MSANTD3: variants seen among roughly 807,000 people sequenced by gnomAD.
The protein encoded by MSANTD3 is Myb/SANT DNA binding domain containing 3.
In MSANTD3, 11 loss-of-function variants were observed where a neutral mutation model predicts 27.7. The ratio of observed to expected loss-of-function variants is 0.40; its 90% CI spans 0.25 to 0.66. The LOEUF is 0.66. Ranked by LOEUF, MSANTD3 falls within the 30% of genes least tolerant of loss-of-function variation. The pLI, the probability that MSANTD3 is intolerant of heterozygous loss-of-function variation, is 0.41. For missense variants in MSANTD3, 250 were observed against 336.5 expected, an observed-to-expected ratio of 0.74 and a Z score of 2.01; for synonymous variants, 131 against 127.2, an observed-to-expected ratio of 1.03 and a Z score of -0.20.
rs774375807 is a variant in MSANTD3, at chr9:100,450,771, A to G, written c.633A>G (p.Gln211=). Residue 211 remains glutamine, a synonymous_variant, in exon 3 of 3, where the codon CAA becomes CAG. Coordinates refer to ENST00000395067, the MANE Select transcript of MSANTD3 (RefSeq NM_080655.3). Reference sequence around the variant, plus strand: ...AACAAATGTCCATCTTACAACTGCAACTGATACAAATGAATGAGGTGCATG... The same window carrying G: ...AACAAATGTCCATCTTACAACTGCAGCTGATACAAATGAATGAGGTGCATG... ...HHQQMSILQL[Q]LIQMNEVHVA... 11 of 1,614,018 alleles carry G rather than the reference A, an allele frequency of 6.8e-6. No individual in the cohort carries two copies. The highest frequency in any genetic ancestry group is 1.6e-4 in the Middle Eastern group (1 of 6,084).
Position 100,451,253 on chromosome 9 carries a change from G to C in MSANTD3, c.*287G>C. 3.6e-6 allele frequency: 1 copy of C among 277,388 alleles called. No homozygotes were observed. Among genetic ancestry groups the C allele is most frequent in the Non-Finnish European group, 6.6e-6 (1 of 150,974 alleles). 17.2% of individuals were successfully genotyped at this position (277,388 alleles called of 1,614,324 possible). On this transcript the variant is annotated 3_prime_UTR_variant, in exon 3 of 3. Coordinates refer to ENST00000395067, the MANE Select transcript of MSANTD3 (RefSeq NM_080655.3). ...AGAACCACGTGTGAGTGTTGTTGTT[G>C]TTGTTTTTTTTTTTAATCAAATGCA...
At chr9:100,434,613 A>G (rs1836437292) in intron 1 of MSANTD3, among the ~76,000 whole-genome samples, 2 of 152,160 alleles carry the variant, frequency 1.3e-5, no homozygotes, top group African/African-American at 4.8e-5. Flanking sequence ...GCCTTCTCTT[A>G]TCAATTATTT....
At chr9:100,448,624 G>T in intron 2 of MSANTD3, 1 of 985,358 alleles carries the variant, frequency 1.0e-6, no homozygotes, top group African/African-American at 1.7e-5. Flanking sequence ...CCCTGTGCTG[G>T]GTTCTCCATG....
At position 100,442,010 on chromosome 9, in the gene MSANTD3, A is replaced by G; in HGVS notation, c.72A>G (p.Leu24=). 3.1e-6 allele frequency: 5 copies of G among 1,614,220 alleles called. No homozygotes were observed. In the East Asian group the frequency reaches 1.1e-4, roughly 36 times the overall value. Residue 24 remains leucine, a synonymous_variant, in exon 2 of 3, where the codon TTA becomes TTG. Coordinates refer to ENST00000395067, the MANE Select transcript of MSANTD3 (RefSeq NM_080655.3). ...SELEKSILLA[L]VEKYKYVLEC... ...TGGAAAAGAGCATCCTGCTGGCTTT[A>G]GTAGAAAAGTATAAATATGTGCTGG...
intron 1 of MSANTD3, among the ~76,000 whole-genome samples, chr9:100,435,700 T>C (rs923535336): frequency 4.6e-5 from 7 of 152,174 alleles, no homozygotes; most frequent in African/African-American, 1.7e-4. Context: ...GACCTCCTCT[T>C]TGTAAGCCAT....
At chr9:100,432,558 G>T (rs1165242294) in intron 1 of MSANTD3, among the ~76,000 whole-genome samples, 2 of 152,150 alleles carry the variant, frequency 1.3e-5, no homozygotes, top group Non-Finnish European at 2.9e-5. Flanking sequence ...AATGCAAATG[G>T]CAAGCAGGTT....
At chr9:100,439,005 CAT>C (rs759508213) in intron 1 of MSANTD3, among the ~76,000 whole-genome samples, 3 of 152,186 alleles carry the variant, frequency 2.0e-5, no homozygotes, top group Non-Finnish European at 2.9e-5. Context: ...CCACCTTTGA[CAT>C]GTGTCCGAAC....
At chr9:100,432,043 G>A (rs1836388214) in intron 1 of MSANTD3, among the ~76,000 whole-genome samples, 1 of 152,132 alleles carries the variant, frequency 6.6e-6, no homozygotes, top group Admixed American at 6.6e-5. Context: ...ACTCTCATCT[G>A]GTTTATAGAG....
chr9:100,449,320 T>A, intron 2 of MSANTD3: 1 of 900,182 alleles, frequency 1.1e-6, no homozygotes, highest in Non-Finnish European at 1.3e-6. Flanking sequence ...TATTCAAGGG[T>A]TCAGCCAATA....
Position 100,442,028 on chromosome 9 carries a change from T to A in MSANTD3, c.90T>A (p.Tyr30Ter), listed in dbSNP as rs773752198. ...ILLALVEKYKYVLECKKSDAR... is the reference protein window; with the variant it reads ...ILLALVEKYK ...TGGCTTTAGTAGAAAAGTATAAATA[T>A]GTGCTGGAATGTAAGAAAAGTGATG... Residue 30 changes from tyrosine (Y) to a stop codon, truncating the protein, a stop_gained, in exon 2 of 3, where the codon TAT (tyrosine) becomes TAA (stop). Coordinates refer to ENST00000395067, the MANE Select transcript of MSANTD3 (RefSeq NM_080655.3). LOFTEE classifies it high-confidence loss of function. The A allele has an allele frequency of 6.2e-7, 1 of 1,614,094 alleles. No individual in the cohort carries two copies.
intron 1 of MSANTD3, among the ~76,000 whole-genome samples, 165 bp from the exon 2 acceptor site, chr9:100,441,741 A>G (rs1337376908): frequency 6.6e-6 from 1 of 152,210 alleles, no homozygotes; most frequent in Non-Finnish European, 1.5e-5. Flanking sequence ...TTCCTAGTAC[A>G]TTTCTAAATA....
In MSANTD3 at chr9:100,442,995, T is replaced by A. The variant is rs1368900776; in HGVS notation, c.418+639T>A. On this transcript the variant is annotated intron_variant, in intron 2 of 2. Coordinates refer to ENST00000395067, the MANE Select transcript of MSANTD3 (RefSeq NM_080655.3). Reference sequence around the variant, plus strand: ...CCTGTCTCAAATATGTTAAAGAGAATTGTATGAAGATTTGTATTCATCCAC... The same window carrying A: ...CCTGTCTCAAATATGTTAAAGAGAAATGTATGAAGATTTGTATTCATCCAC... 2.6e-5 allele frequency among the ~76,000 whole-genome samples: 4 copies of A among 152,174 alleles called. No individual in the cohort carries two copies. The South Asian group carries it at 8.3e-4, about 32-fold the overall frequency.
intron 1 of MSANTD3, among the ~76,000 whole-genome samples, chr9:100,431,336 T>C (rs1179740376): frequency 6.7e-6 from 1 of 150,216 alleles, no homozygotes; most frequent in African/African-American, 2.5e-5. Flanking sequence ...GACAGCGTTT[T>C]ACTCTTTCAC....
intron 2 of MSANTD3, among the ~76,000 whole-genome samples, chr9:100,448,036 C>T (rs1836797217): frequency 6.6e-6 from 1 of 151,702 alleles, no homozygotes; most frequent in South Asian, 2.1e-4. Context: ...ACCAAAAATA[C>T]AAAAAATTAA....
chr9:100,439,297 G>A (rs1836547579), intron 1 of MSANTD3, among the ~76,000 whole-genome samples: 1 of 152,112 alleles, frequency 6.6e-6, no homozygotes, highest in Admixed American at 6.5e-5. Flanking sequence ...CAGGCATAGT[G>A]CGTGAGTAGC....
Position 100,450,708 on chromosome 9 carries a change from A to G in MSANTD3, c.570A>G (p.Glu190=). The G allele has an allele frequency of 6.2e-7, 1 of 1,614,202 alleles. No homozygotes were observed. Among genetic ancestry groups the G allele is most frequent in the Middle Eastern group, 1.6e-4 (1 of 6,062 alleles). Residue 190 remains glutamate, a synonymous_variant, in exon 3 of 3, where the codon GAA becomes GAG. Transcript: ENST00000395067. ...ACTACAGGAGCAAAACCTCTCAGGA[A>G]GGTGCTTTAAAAAAGATGCATGAGG... is the stretch of plus-strand genomic sequence containing the variant. The part of the protein sequence containing the change: ...NKNYRSKTSQ[E]GALKKMHEEE...
At chr9:100,433,300 C>G (rs968058510) in intron 1 of MSANTD3, among the ~76,000 whole-genome samples, 1 of 152,206 alleles carries the variant, frequency 6.6e-6, no homozygotes, top group Non-Finnish European at 1.5e-5. Context: ...AAGCTCCACT[C>G]TCAGAAGCAG....
In MSANTD3 at chr9:100,442,061, T is replaced by C. The variant is rs1323982481; in HGVS notation, c.123T>C (p.Thr41=). The change falls in exon 2 of 3, where the codon ACT becomes ACC. Residue 41 remains threonine (T), a synonymous_variant. Transcript: ENST00000395067. ...VLECKKSDAR[T]IALKQRTWQA... is the part of the protein sequence containing the mutation. ...AATGTAAGAAAAGTGATGCGCGAAC[T>C]ATTGCCCTTAAGCAGCGTACCTGGC... 1.9e-6 allele frequency: 3 copies of C among 1,614,108 alleles called. No individual in the cohort carries two copies. Among genetic ancestry groups the C allele is most frequent in the African/African-American group, 2.7e-5 (2 of 74,942 alleles).
At chr9:100,442,723 A>G (rs1428965324) in intron 2 of MSANTD3, among the ~76,000 whole-genome samples, 3 of 150,732 alleles carry the variant, frequency 2.0e-5, no homozygotes, top group African/African-American at 7.3e-5. Context: ...GCTGGAGGAT[A>G]ACTTGAGCCC....
Sources: gnomAD v4.1 joint callset for allele counts (sites outside exome capture counted in the v4.1 genomes callset) on GRCh38, gnomAD v4.1.1 for gene constraint, MANE v1.5 for transcripts, NCBI Gene and HGNC (gene_info 2026-07-23, HGNC 2026-07-21) for gene names.